Variants in FRRS1 observed in about 807,000 individuals in gnomAD.
FRRS1 encodes the protein ferric chelate reductase 1, also known as ferric reductase 1.
A neutral mutation model predicts 70.7 loss-of-function variants in FRRS1; 51 were observed. That is an observed-to-expected ratio of 0.72 (90% CI 0.58 to 0.91). The LOEUF (loss-of-function observed/expected upper bound fraction) is 0.91. FRRS1 is among the 40% of genes least tolerant of loss of function. The pLI is 0.00. For missense variants in FRRS1, 672 were observed against 726.0 expected (o/e 0.93, Z 0.86); for synonymous variants, 225 against 238.7 (o/e 0.94, Z 0.53).
At chr1:99,749,394 T>C (rs1656461461) in intron 1 of FRRS1, among the ~76,000 whole-genome samples, 1 of 152,234 alleles carries the variant, frequency 6.6e-6, no homozygotes, top group Non-Finnish European at 1.5e-5. Flanking sequence ...ATAATAGCTT[T>C]CTTTATTATC....
At chr1:99,714,584 C>T (rs892855328) in intron 12 of FRRS1, among the ~76,000 whole-genome samples, 1 of 152,140 alleles carries the variant, frequency 6.6e-6, no homozygotes, top group East Asian at 1.9e-4. Context: ...ACTGCAATGG[C>T]CAACCAAAAG....
At position 99,717,476 on chromosome 1, in the gene FRRS1, C is replaced by G. The variant is rs1654591161; in HGVS notation, c.1170G>C (p.Leu390=). 4.3e-6 allele frequency: 7 copies of G among 1,613,962 alleles called. No homozygotes were observed. The South Asian group carries it at 7.7e-5, about 18-fold the overall frequency. Residue 390 remains leucine (L), a synonymous_variant, in exon 11 of 17, where the codon CTG becomes CTC. Transcript: ENST00000646001. ...AWMTTVSIGV[L]VARFFKPVWS... ...AAACTGGCTTGAAGAACCGGGCAAC[C>G]AGTACACCTATGCTAACAGTAGTCA...
intron 12 of FRRS1, among the ~76,000 whole-genome samples, chr1:99,714,372 T>C (rs1317759697): frequency 6.6e-6 from 1 of 152,024 alleles, no homozygotes; most frequent in Non-Finnish European, 1.5e-5. Flanking sequence ...TTGGTAGAGA[T>C]GGGGTTTCAC....
chr1:99,764,649 GA>G (rs1381303653), intron 1 of FRRS1, among the ~76,000 whole-genome samples: 3 of 152,174 alleles, frequency 2.0e-5, no homozygotes, highest in African/African-American at 7.2e-5. Flanking sequence ...ACCTAGGTTT[GA>G]ATCTGTCCAT....
chr1:99,710,833 C>T lies in FRRS1; in HGVS notation c.1597G>A (p.Val533Ile). ...TTGCGAGAGAGCCGATAAGCATGTA[C>T]CTCCAGAACAACCTCAGTCCCAACA... ...WHVGTEVVLE[V>I]HAYRLSRKVE... Residue 533 changes from valine to isoleucine, a missense_variant, in exon 15 of 17, where the codon GTA becomes ATA. By Grantham distance (29) the Val-to-Ile change is conservative. Coordinates refer to ENST00000646001, the MANE Select transcript of FRRS1 (RefSeq NM_001361041.2). The T allele has an allele frequency of 6.2e-7, 1 of 1,613,780 alleles. No individual in the cohort carries two copies. The highest frequency in any genetic ancestry group is 8.5e-7 in the Non-Finnish European group (1 of 1,179,882).
chr1:99,731,036 C>CA (rs1303802538), intron 7 of FRRS1, among the ~76,000 whole-genome samples: 1 of 151,276 alleles, frequency 6.6e-6, no homozygotes. Context: ...ACCTTGCCTC[C>CA]AAAAAAGAGA....
chr1:99,765,524 C>G (rs1028390713), intron 1 of FRRS1: 3 of 151,746 alleles, frequency 2.0e-5, no homozygotes, highest in African/African-American at 7.3e-5. Flanking sequence ...TTGCTTGAAC[C>G]CGGGAGGCAG....
intron 7 of FRRS1, among the ~76,000 whole-genome samples, chr1:99,734,981 G>A (rs1004841948): frequency 6.6e-6 from 1 of 152,130 alleles, no homozygotes; most frequent in Non-Finnish European, 1.5e-5. Flanking sequence ...GAGAAGGAAG[G>A]AAGCTAATGC....
chr1:99,723,378 A>C lies in FRRS1; in HGVS notation c.1007-3731T>G, dbSNP rs116528453. ...AAAAAATACAAAAAATTAGCTGAGA[A>C]TGGTGGCACATGGCTGTAGTCCCAG... On this transcript the variant is annotated intron_variant, in intron 9 of 16. Transcript: ENST00000646001. Among the ~76,000 whole-genome samples, 461 of 152,188 alleles carry C rather than the reference A, an allele frequency of 3.0e-3. 2 individuals carry two copies. The highest frequency in any genetic ancestry group is 0.01 in the African/African-American group (421 of 41,540).
intron 13 of FRRS1, 36 bp downstream of exon 13, chr1:99,712,382 A>G: frequency 7.2e-7 from 1 of 1,390,990 alleles, no homozygotes; most frequent in South Asian, 1.2e-5. Context: ...TGATATCTAC[A>G]TTAAGAGAGC....
intron 6 of FRRS1, among the ~76,000 whole-genome samples, chr1:99,740,535 T>C (rs552335944): frequency 1.1e-4 from 17 of 152,358 alleles, no homozygotes; most frequent in African/African-American, 3.8e-4. Context: ...ACTTTACTCC[T>C]ATGTAATGTC....
chr1:99,734,911 T>A (rs1350405446), intron 7 of FRRS1, among the ~76,000 whole-genome samples: 1 of 152,094 alleles, frequency 6.6e-6, no homozygotes, highest in Admixed American at 6.6e-5. Context: ...ATTGGGGACA[T>A]CCTGGAATTG....
intron 7 of FRRS1, among the ~76,000 whole-genome samples, chr1:99,731,466 A>G (rs1284568436): frequency 6.6e-6 from 1 of 152,268 alleles, no homozygotes; most frequent in African/African-American, 2.4e-5. Context: ...TAAAATCAGA[A>G]TTAGCCCAAT....
At chr1:99,740,966 G>T in intron 5 of FRRS1, 26 bp from the exon 6 acceptor site, 1 of 1,601,594 alleles carries the variant, frequency 6.2e-7, no homozygotes, top group Non-Finnish European at 8.6e-7. Flanking sequence ...AGTGAGATTA[G>T]AACCCTAATT....
chr1:99,710,810 G>A lies in FRRS1; in HGVS notation c.1620C>T (p.Arg540=). ...ATGGCTTTTTTACCAGGTTACCTTTGCGAGAGAGCCGATAAGCATGTACCT... is the reference window on the plus strand; with the variant it reads ...ATGGCTTTTTTACCAGGTTACCTTTACGAGAGAGCCGATAAGCATGTACCT... The part of the protein sequence containing the change: ...VLEVHAYRLS[R]KVEILDDDRI... The change falls in exon 15 of 17, where the codon CGC becomes CGT. Residue 540 remains arginine, a synonymous_variant. Transcript: ENST00000646001. 2 of 1,613,498 alleles carry A rather than the reference G, an allele frequency of 1.2e-6. No individual in the cohort carries two copies. The highest frequency in any genetic ancestry group is 1.3e-5 in the African/African-American group (1 of 75,008).
intron 7 of FRRS1, among the ~76,000 whole-genome samples, chr1:99,730,854 G>A (rs923294475): frequency 2.4e-5 from 3 of 124,608 alleles, no homozygotes; most frequent in East Asian, 2.3e-4. Flanking sequence ...GCAACAGAGC[G>A]AAACTCAGTC....
Position 99,748,780 on chromosome 1 carries a change from G to T in FRRS1, c.1-12C>A. ...CCAGAAACTGCCATCTCAAAAAGAA[G>T]GGTAAAAGCCCATTATTGTCATATA... is the stretch of plus-strand genomic sequence containing the variant. On this transcript the variant is annotated splice_polypyrimidine_tract_variant and intron_variant, in intron 2 of 16. Transcript: ENST00000646001. 6.2e-7 allele frequency: 1 copy of T among 1,605,220 alleles called. No individual in the cohort carries two copies. Among genetic ancestry groups the T allele is most frequent in the Non-Finnish European group, 8.5e-7 (1 of 1,173,652 alleles).
chr1:99,730,028 C>T (rs920961149), intron 7 of FRRS1, among the ~76,000 whole-genome samples: 1 of 152,124 alleles, frequency 6.6e-6, no homozygotes, highest in African/African-American at 2.4e-5. Context: ...CATCACTAAT[C>T]GAACACCACT....
At chr1:99,749,525 CTA>C in intron 1 of FRRS1, among the ~76,000 whole-genome samples, 1 of 152,324 alleles carries the variant, frequency 6.6e-6, no homozygotes, top group Middle Eastern at 3.4e-3. Flanking sequence ...CTGAATAAAT[CTA>C]TGATAAGACT....
Sources: allele counts gnomAD v4.1 joint callset (sites outside exome capture counted in the v4.1 genomes callset), GRCh38; gene constraint gnomAD v4.1.1; transcripts MANE v1.5; gene names NCBI Gene and HGNC (gene_info 2026-07-23, HGNC 2026-07-21).